The following INO80 variants were observed in gnomAD, a reference collection of about 807,000 sequenced individuals.
The protein encoded by INO80 is INO80 complex ATPase subunit.
In INO80, 20 loss-of-function variants were observed where a neutral mutation model predicts 203.4. The ratio of observed to expected loss-of-function variants is 0.10; its 90% confidence interval spans 0.07 to 0.14. The LOEUF (loss-of-function observed/expected upper bound fraction) is 0.14. INO80 is among the 10% of genes least tolerant of loss of function. The pLI is 1.00. For synonymous variants in INO80, 726 were observed against 685.2 expected, an observed-to-expected ratio of 1.06 and a Z score of -0.93; for missense variants, 1,419 against 1,914.4, an observed-to-expected ratio of 0.74 and a Z score of 4.83.
chr15:41,021,180 G>A (rs1238541666), intron 25 of INO80, 55 bp from the exon 26 acceptor site: 1 of 1,239,524 alleles, frequency 8.1e-7, no homozygotes, highest in Admixed American at 1.7e-5. Flanking sequence ...TACACACTAT[G>A]CCTTTTGGGA....
At chr15:41,027,762 G>T in intron 24 of INO80, 26 bp from the exon 25 acceptor site, 1 of 1,536,038 alleles carries the variant, frequency 6.5e-7, no homozygotes, top group Non-Finnish European at 8.8e-7. Context: ...GCAAATGAAT[G>T]CCAACTATAA....
chr15:41,115,408 G>A (rs2046018153), intron 1 of INO80, among the ~76,000 whole-genome samples: 2 of 152,144 alleles, frequency 1.3e-5, no homozygotes, highest in Admixed American at 6.5e-5. Flanking sequence ...AACCAGAAGA[G>A]GTGTCATCTA....
chr15:40,988,676 T>TA (rs1461075845), intron 29 of INO80, among the ~76,000 whole-genome samples: 7 of 152,134 alleles, frequency 4.6e-5, no homozygotes, highest in Admixed American at 6.6e-5. Context: ...GGTCAGGAGT[T>TA]AGAGACCAGC....
chr15:41,067,437 A>T (rs1446688019), intron 14 of INO80, among the ~76,000 whole-genome samples: 2 of 152,218 alleles, frequency 1.3e-5, no homozygotes, highest in Non-Finnish European at 2.9e-5. Flanking sequence ...TGAAAAAAAA[A>T]GCAGAAAAAG....
At chr15:41,021,588 T>C (rs1270422179) in intron 25 of INO80, among the ~76,000 whole-genome samples, 1 of 152,238 alleles carries the variant, frequency 6.6e-6, no homozygotes, top group Non-Finnish European at 1.5e-5. Context: ...TTTAATGCTT[T>C]TGTGGCAAAG....
chr15:41,019,407 C>T (rs891810093), intron 26 of INO80: 1 of 152,042 alleles, frequency 6.6e-6, no homozygotes, highest in Non-Finnish European at 1.5e-5. Flanking sequence ...TTTATCGATG[C>T]AAAAAGAACT....
At chr15:41,016,238 A>T (rs2140458039) in intron 26 of INO80, 23 bp from the exon 27 acceptor site, 1 of 1,610,886 alleles carries the variant, frequency 6.2e-7, no homozygotes, top group South Asian at 1.1e-5. Context: ...AAAGGGGGTG[A>T]GGGGGAACTG....
intron 28 of INO80, among the ~76,000 whole-genome samples, chr15:41,002,871 G>A (rs547526261): frequency 3.3e-5 from 5 of 152,308 alleles, no homozygotes; most frequent in East Asian, 3.9e-4. Context: ...CTGGGAGGCC[G>A]AGGCGGGTGG....
At chr15:41,049,534 C>T (rs1287536911) in intron 20 of INO80, 114 bp from the exon 21 acceptor site, 2 of 951,962 alleles carry the variant, frequency 2.1e-6, no homozygotes, top group Non-Finnish European at 3.2e-6. Context: ...TTCCCATTTT[C>T]ATCTCATTAA....
intron 1 of INO80, among the ~76,000 whole-genome samples, chr15:41,100,264 CG>C (rs2045788485): frequency 6.6e-6 from 1 of 151,942 alleles, no homozygotes; most frequent in African/African-American, 2.4e-5. Context: ...TTAGTACAGA[CG>C]GGGTTTCACT....
rs955559263 is a variant in INO80 at position 41,058,796 on chromosome 15, G to A, written c.1843-15C>T. 6.2e-7 allele frequency: 1 copy of A among 1,605,214 alleles called. No homozygotes were observed. The highest frequency in any genetic ancestry group is 2.2e-5 in the East Asian group (1 of 44,798). Reference sequence around the variant, plus strand: ...TAGAGGGTCTTCTGTAAATATAAAAGGGGAAGGGTGAAAAGAGAAACCTAA... The same window carrying A: ...TAGAGGGTCTTCTGTAAATATAAAAAGGGAAGGGTGAAAAGAGAAACCTAA... On this transcript the variant is annotated splice_polypyrimidine_tract_variant and intron_variant, in intron 15 of 35. Transcript: ENST00000648947.
intron 16 of INO80, among the ~76,000 whole-genome samples, chr15:41,057,211 T>G (rs937335672): frequency 6.6e-6 from 1 of 152,074 alleles, no homozygotes; most frequent in East Asian, 1.9e-4. Flanking sequence ...GTGGCTCATG[T>G]CTGTACTCCC....
chr15:40,982,645 C>T (rs978493800), intron 35 of INO80, among the ~76,000 whole-genome samples: 1 of 152,202 alleles, frequency 6.6e-6, no homozygotes, highest in Middle Eastern at 3.2e-3. Context: ...TTCAGCTCTC[C>T]CTTTTTACAA....
chr15:41,012,029 T>C (rs1194635950), intron 27 of INO80, among the ~76,000 whole-genome samples: 4 of 152,216 alleles, frequency 2.6e-5, no homozygotes, highest in Non-Finnish European at 5.9e-5. Context: ...AAGTATCAAG[T>C]GGCCTATTTC....
intron 26 of INO80, chr15:41,016,691 CTCTT>C (rs1045446123): frequency 6.6e-6 from 1 of 152,404 alleles, no homozygotes; most frequent in African/African-American, 2.4e-5. Context: ...TATAACCTCT[CTCTT>C]TTTTTTCCCT....
At chr15:41,076,942 C>T (rs1194280384) in intron 9 of INO80, among the ~76,000 whole-genome samples, 1 of 152,078 alleles carries the variant, frequency 6.6e-6, no homozygotes, top group Admixed American at 6.6e-5. Context: ...GAGTCTCGCT[C>T]TCTCACCCTG....
chr15:41,023,892 A>G (rs1018130899), intron 25 of INO80, among the ~76,000 whole-genome samples: 1 of 150,734 alleles, frequency 6.6e-6, no homozygotes, highest in Non-Finnish European at 1.5e-5. Flanking sequence ...TTATTTATTT[A>G]TTTATTTTGT....
intron 24 of INO80, among the ~76,000 whole-genome samples, chr15:41,028,896 C>T (rs899050629): frequency 2.0e-5 from 3 of 152,126 alleles, no homozygotes; most frequent in Non-Finnish European, 4.4e-5. Context: ...ACTCATGTTA[C>T]AGCTTCAGGT....
rs903380168 is a variant in INO80, at chr15:41,095,634, G to T, written c.348C>A (p.Phe116Leu). ...SKCDKGNLYN[F>L]SKLKKSRKWL... ...ACTTTCTGCTTTTCTTCAGCTTAGA[G>T]AAATTATATAAATTCCCCTTATCAC... The change falls in exon 4 of 36, where the codon TTC becomes TTA. Residue 116 changes from phenylalanine to leucine, a missense_variant. Transcript: ENST00000648947. The T allele has an allele frequency of 6.2e-7, 1 of 1,611,614 alleles. No individual in the cohort carries two copies. The highest frequency in any genetic ancestry group is 1.7e-5 in the Admixed American group (1 of 59,964).
Sources: allele counts gnomAD v4.1 joint callset (sites outside exome capture counted in the v4.1 genomes callset), GRCh38; gene constraint gnomAD v4.1.1; transcripts MANE v1.5; gene names NCBI Gene and HGNC (gene_info 2026-07-23, HGNC 2026-07-21).